DMGDH: variants seen among roughly 807,000 people sequenced by gnomAD.
The protein encoded by DMGDH is dimethylglycine dehydrogenase, mitochondrial.
DMGDH carries 76 observed loss-of-function variants against 95.2 expected under a neutral mutation model. The observed-to-expected ratio is 0.80, with a 90% CI of 0.66 to 0.97. The LOEUF (loss-of-function observed/expected upper bound fraction) is 0.97. Among genes scored for constraint, DMGDH ranks in the 50% least tolerant of loss-of-function variants. The pLI is 0.00. For synonymous variants in DMGDH, 345 were observed against 377.6 expected, an observed-to-expected ratio of 0.91 and a Z score of 1.00; for missense variants, 987 against 1,055.0, an observed-to-expected ratio of 0.94 and a Z score of 0.89.
chr5:79,063,728 A>G lies in DMGDH; in HGVS notation c.161T>C (p.Ile54Thr), dbSNP rs760204095. 1.9e-6 allele frequency: 3 copies of G among 1,614,186 alleles called. No individual in the cohort carries two copies. In the South Asian group the frequency reaches 3.3e-5, roughly 18 times the overall value. The change falls in exon 2 of 16, where the codon ATA becomes ACA. Residue 54 changes from isoleucine to threonine, a missense_variant. Transcript: ENST00000255189. ...TQWKDRAETV[I>T]IGGGCVGVSL... The stretch of plus-strand genomic sequence containing the variant: ...CACACCAACACAGCCACCTCCAATT[A>G]TCACTGTTTCTGCTCTGTCTTTCCA...
At chr5:79,040,277 G>A (rs555200373) in intron 7 of DMGDH, among the ~76,000 whole-genome samples, 82 of 152,234 alleles carry the variant, frequency 5.4e-4, no homozygotes, top group Admixed American at 1.8e-3. Context: ...ATTGGTTGTT[G>A]GTGCTGGAAA....
chr5:79,000,755 T>C (rs1753438543), intron 15 of DMGDH: 1 of 630,812 alleles, frequency 1.6e-6, no homozygotes, highest in Non-Finnish European at 2.9e-6. Context: ...CATTTTCTCA[T>C]TAAATATTTT....
intron 12 of DMGDH, among the ~76,000 whole-genome samples, chr5:79,028,087 G>A (rs1348392420): frequency 6.6e-6 from 1 of 151,872 alleles, no homozygotes; most frequent in Non-Finnish European, 1.5e-5. Flanking sequence ...TGATCAGCCC[G>A]CCTCAGCCTC....
chr5:79,026,981 T>C (rs555141518), intron 12 of DMGDH, among the ~76,000 whole-genome samples: 206 of 152,296 alleles, frequency 1.4e-3, no homozygotes, highest in South Asian at 4.1e-3. Flanking sequence ...AACCAACCCC[T>C]TGCCCAAAAA....
intron 13 of DMGDH, among the ~76,000 whole-genome samples, chr5:79,025,155 C>T (rs1025844666): frequency 3.3e-5 from 5 of 152,190 alleles, no homozygotes; most frequent in African/African-American, 1.2e-4. Flanking sequence ...AGTGCCAACA[C>T]TAGAGGGCGC....
intron 1 of DMGDH, among the ~76,000 whole-genome samples, chr5:79,068,036 G>T (rs1156673969): frequency 6.6e-6 from 1 of 152,104 alleles, no homozygotes; most frequent in Non-Finnish European, 1.5e-5. Context: ...TCCCGCCTCA[G>T]CCTCCCAAGC....
Position 79,069,509 on chromosome 5 carries a change from G to C in DMGDH, c.101+11C>G. On this transcript the variant is annotated intron_variant, in intron 1 of 15. Transcript: ENST00000255189. The stretch of plus-strand genomic sequence containing the variant: ...CCCCGTCGCCTCTGAGCAGGACGGG[G>C]CCCCACTCACCCTTCCCGGCCGCAG... 7.8e-7 allele frequency: 1 copy of C among 1,278,206 alleles called. No individual in the cohort carries two copies. 79.2% of individuals were successfully genotyped at this position (1,278,206 alleles called of 1,614,324 possible).
intron 14 of DMGDH, among the ~76,000 whole-genome samples, chr5:79,008,997 A>G (rs1193263335): frequency 6.6e-6 from 1 of 152,140 alleles, no homozygotes; most frequent in Non-Finnish European, 1.5e-5. Context: ...TTTAGATTTT[A>G]TCCATATTTT....
At chr5:79,049,400 T>G (rs1256604124) in intron 5 of DMGDH, among the ~76,000 whole-genome samples, 1 of 152,234 alleles carries the variant, frequency 6.6e-6, no homozygotes. Context: ...CAGGAATGTA[T>G]GATTGCCTAA....
chr5:79,065,098 G>A (rs1755333649), intron 1 of DMGDH, among the ~76,000 whole-genome samples: 1 of 151,890 alleles, frequency 6.6e-6, no homozygotes, highest in Non-Finnish European at 1.5e-5. Flanking sequence ...CATTAGCCTA[G>A]GCATACACAG....
chr5:79,066,804 T>C (rs1053329847), intron 1 of DMGDH, among the ~76,000 whole-genome samples: 11 of 152,220 alleles, frequency 7.2e-5, no homozygotes, highest in Non-Finnish European at 1.6e-4. Flanking sequence ...GTGGTGTCTG[T>C]CTGATTTGTC....
At position 78,998,240 on chromosome 5, in the gene DMGDH, A is replaced by C; in HGVS notation, c.2443T>G (p.Phe815Val). The C allele has an allele frequency of 6.2e-7, 1 of 1,614,216 alleles. No homozygotes were observed. Among genetic ancestry groups the C allele is most frequent in the Non-Finnish European group, 8.5e-7 (1 of 1,180,042 alleles). ...CTTAGTTGTACAGGGACATATGCGA[A>C]AGCCAGACTCTTCTGGATGCTGTAG... ...YSYSIQKSLA[F>V]AYVPVQLSEV... Residue 815 changes from phenylalanine to valine, a missense_variant, in exon 16 of 16, where the codon TTC becomes GTC. Transcript: ENST00000255189.
At chr5:79,068,584 G>C (rs1755448367) in intron 1 of DMGDH, among the ~76,000 whole-genome samples, 1 of 152,176 alleles carries the variant, frequency 6.6e-6, no homozygotes, top group South Asian at 2.1e-4. Context: ...TTGTTGAATG[G>C]ATAGATGGAA....
rs960590999 is a variant in DMGDH at position 79,029,909 on chromosome 5, A to C, written c.1809T>G (p.Asp603Glu). 6.2e-7 allele frequency: 1 copy of C among 1,614,038 alleles called. No homozygotes were observed. The highest frequency in any genetic ancestry group is 1.7e-5 in the Admixed American group (1 of 60,010). ...CTTACTAGGTGTGCACTTACCTAAG[A>C]TCATGAAGTTCTGATCCAGAGCCAG... ...LITGSGSELHDLRWIEEEAVK... is the reference protein window; with the variant it reads ...LITGSGSELHELRWIEEEAVK... Residue 603 changes from aspartate (D) to glutamate (E), a missense_variant, in exon 11 of 16, where the codon GAT becomes GAG. Coordinates refer to ENST00000255189, the MANE Select transcript of DMGDH (RefSeq NM_013391.3).
chr5:79,002,267 A>G (rs866830057), intron 15 of DMGDH, among the ~76,000 whole-genome samples: 2 of 152,158 alleles, frequency 1.3e-5, no homozygotes, highest in Non-Finnish European at 2.9e-5. Context: ...AAGCTCTCCA[A>G]ACCTCTCCAC....
intron 2 of DMGDH, among the ~76,000 whole-genome samples, chr5:79,062,405 T>C (rs547491452): frequency 2.2e-4 from 33 of 149,266 alleles, no homozygotes; most frequent in African/African-American, 8.2e-4. Context: ...ACCCTATACT[T>C]TGAGCACATA....
intron 14 of DMGDH, among the ~76,000 whole-genome samples, chr5:79,018,416 T>C (rs1234210325): frequency 6.6e-6 from 1 of 152,126 alleles, no homozygotes; most frequent in African/African-American, 2.4e-5. Context: ...AAAAAGTATA[T>C]ACTCTATGAT....
chr5:79,039,907 C>T (rs1206532411), intron 7 of DMGDH, among the ~76,000 whole-genome samples: 1 of 152,140 alleles, frequency 6.6e-6, no homozygotes, highest in Admixed American at 6.6e-5. Context: ...GCTAGGAAGG[C>T]ACCTGGAAAG....
chr5:78,999,367 G>A (rs1302313967), intron 15 of DMGDH, among the ~76,000 whole-genome samples: 1 of 151,988 alleles, frequency 6.6e-6, no homozygotes, highest in African/African-American at 2.4e-5. Flanking sequence ...GTCTCTCTGT[G>A]TCACCCAGGC....
Sources: gnomAD v4.1 joint callset for allele counts (sites outside exome capture counted in the v4.1 genomes callset) on GRCh38, gnomAD v4.1.1 for gene constraint, MANE v1.5 for transcripts, NCBI Gene and HGNC (gene_info 2026-07-23, HGNC 2026-07-21) for gene names.